Variants in QSER1 observed in about 807,000 individuals in gnomAD.
QSER1 encodes the protein glutamine and serine-rich protein 1.
Under a neutral mutation model 158.5 loss-of-function variants are expected in QSER1, and 49 were observed. That is an observed-to-expected ratio of 0.31 (90% CI 0.25 to 0.39). The LOEUF (loss-of-function observed/expected upper bound fraction) is 0.39. Among genes scored for constraint, QSER1 ranks in the 10% least tolerant of loss-of-function variants. The pLI, the probability that QSER1 is intolerant of heterozygous loss-of-function variation, is 1.00. For synonymous variants in QSER1, 650 were observed against 715.5 expected, an observed-to-expected ratio of 0.91 and a Z score of 1.46; for missense variants, 1,754 against 2,010.3, an observed-to-expected ratio of 0.87 and a Z score of 2.44.
In QSER1 at chr11:32,953,888, T is replaced by G; in HGVS notation, c.4209T>G (p.Thr1403=). ...TACAGGTGGCAACTACTAGCCCAAC[T>G]GCCAATACTACTGGTACTGCTACTA... ...EALQVATTSP[T]ANTTGTATTS... is the part of the protein sequence containing the mutation. Residue 1403 remains threonine, a synonymous_variant, in exon 5 of 13, where the codon ACT becomes ACG. Coordinates refer to ENST00000650167, the MANE Select transcript of QSER1 (RefSeq NM_001076786.3). The G allele has an allele frequency of 6.2e-7, 1 of 1,613,866 alleles. No individual in the cohort carries two copies. Among genetic ancestry groups the G allele is most frequent in the Non-Finnish European group, 8.5e-7 (1 of 1,179,812 alleles).
chr11:32,919,194 T>C (rs986571049), intron 1 of QSER1, among the ~76,000 whole-genome samples: 1 of 152,112 alleles, frequency 6.6e-6, no homozygotes, highest in Non-Finnish European at 1.5e-5. Flanking sequence ...TGCTCTGTCA[T>C]CCAGGCTAGA....
At chr11:32,912,249 C>T (rs892544030) in intron 1 of QSER1, among the ~76,000 whole-genome samples, 1 of 152,170 alleles carries the variant, frequency 6.6e-6, no homozygotes, top group Non-Finnish European at 1.5e-5. Flanking sequence ...TGAAACCGTC[C>T]ATGTTTGTTC....
rs909049628 is a variant in QSER1 at position 32,922,738 on chromosome 11, G to C, written c.210-4419G>C. 4.0e-5 allele frequency among the ~76,000 whole-genome samples: 6 copies of C among 151,810 alleles called. No individual in the cohort carries two copies. The South Asian group carries it at 1.0e-3, about 26-fold the overall frequency. On this transcript the variant is annotated intron_variant, in intron 1 of 12. Transcript: ENST00000650167. The stretch of plus-strand genomic sequence containing the variant: ...GACTTCAAGCGATCCACCCACCTCA[G>C]CCTCACAAAGTGCTGGGATTATAGG...
intron 11 of QSER1, among the ~76,000 whole-genome samples, chr11:32,974,826 A>G (rs1386042121): frequency 6.6e-6 from 1 of 152,220 alleles, no homozygotes; most frequent in Non-Finnish European, 1.5e-5. Flanking sequence ...AAGTTGCTAG[A>G]CAATATGTAT....
At chr11:32,915,327 A>G (rs1851818178) in intron 1 of QSER1, among the ~76,000 whole-genome samples, 1 of 152,116 alleles carries the variant, frequency 6.6e-6, no homozygotes. Context: ...TACCTTACTC[A>G]TGAGTGTGGG....
rs778195632 is a variant in QSER1 at position 32,973,396 on chromosome 11, G to C, written c.5206-1G>C. 1 of 1,613,088 alleles carries C rather than the reference G, an allele frequency of 6.2e-7. No individual in the cohort carries two copies. The highest frequency in any genetic ancestry group is 8.5e-7 in the Non-Finnish European group (1 of 1,179,690). On this transcript the variant is annotated splice_acceptor_variant, in intron 10 of 12. Coordinates refer to ENST00000650167, the MANE Select transcript of QSER1 (RefSeq NM_001076786.3). LOFTEE classifies it high-confidence loss of function. ...AGTTATTTTGCTTCATTGTTTTCCA[G>C]AATGCTTTGGAAAGTTTTCCTGAAC... is the stretch of plus-strand genomic sequence containing the variant.
intron 1 of QSER1, among the ~76,000 whole-genome samples, chr11:32,908,592 A>C (rs1171987189): frequency 6.6e-6 from 1 of 152,210 alleles, no homozygotes; most frequent in Non-Finnish European, 1.5e-5. Flanking sequence ...ATTTTTGGTA[A>C]AGATCATTAA....
At chr11:32,940,822 G>A (rs1036107657) in intron 4 of QSER1, among the ~76,000 whole-genome samples, 6 of 151,984 alleles carry the variant, frequency 3.9e-5, no homozygotes, top group Admixed American at 2.0e-4. Context: ...TTGTCAGTCT[G>A]TGAAAGGTTT....
At chr11:32,969,452 C>T (rs1852810752) in intron 10 of QSER1, among the ~76,000 whole-genome samples, 3 of 152,114 alleles carry the variant, frequency 2.0e-5, no homozygotes, top group Middle Eastern at 3.4e-3. Flanking sequence ...TTTTCCTTAG[C>T]ACAGTTATCA....
rs367886217 is a variant in QSER1 at position 32,934,389 on chromosome 11, A to G, written c.3131A>G (p.Asn1044Ser). The G allele has an allele frequency of 2.5e-5, 40 of 1,613,750 alleles. No individual in the cohort carries two copies. The highest frequency in any genetic ancestry group is 3.2e-5 in the Non-Finnish European group (38 of 1,179,954). Residue 1044 changes from asparagine (N) to serine (S), a missense_variant, in exon 4 of 13, where the codon AAT (asparagine) becomes AGT (serine). Physicochemically the swap from Asn to Ser is conservative, Grantham distance 46. Coordinates refer to ENST00000650167, the MANE Select transcript of QSER1 (RefSeq NM_001076786.3). ...SMTATVGKPQ[N>S]INDTSLNGNQ... is the part of the protein sequence containing the mutation. ...ACAGCTACAGTAGGAAAGCCACAGA[A>G]TATAAATGATACTTCCTTAAATGGA...
chr11:32,900,755 GT>G (rs1163570805), intron 1 of QSER1, among the ~76,000 whole-genome samples: 7 of 152,160 alleles, frequency 4.6e-5, no homozygotes, highest in African/African-American at 1.7e-4. Flanking sequence ...TTTAACTGAA[GT>G]TTTCTTTGCA....
rs1852984433 is a variant in QSER1, at chr11:32,976,732, G to A, written c.*258G>A. On this transcript the variant is annotated 3_prime_UTR_variant, in exon 13 of 13. Transcript: ENST00000650167. ...TTTTGTAAACCATTGGGTAACTTGA[G>A]TCATATTTTCAGAAACATTTTTTGA... 1 of 339,610 alleles carries A rather than the reference G, an allele frequency of 2.9e-6. No homozygotes were observed. The highest frequency in any genetic ancestry group is 4.9e-5 in the South Asian group (1 of 20,374). 21.0% of individuals were successfully genotyped at this position (339,610 alleles called of 1,614,324 possible). A position where few individuals can be genotyped will look rare whatever the true frequency, so the allele number is the denominator to read the frequency against.
At position 32,953,364 on chromosome 11, in the gene QSER1, A is replaced by T. The variant is rs568815493; in HGVS notation, c.4178-493A>T. On this transcript the variant is annotated intron_variant, in intron 4 of 12. Transcript: ENST00000650167. ...TCATGTCTTTATTTTTATTATTATTATTTTTTTAAGTAGGGTCTTGTTCTG... is the reference window on the plus strand; with the variant it reads ...TCATGTCTTTATTTTTATTATTATTTTTTTTTTAAGTAGGGTCTTGTTCTG... Among the ~76,000 whole-genome samples the T allele has an allele frequency of 1.1e-3, 163 of 146,924 alleles. 1 individual carries two copies. The highest frequency in any genetic ancestry group is 3.3e-3 in the African/African-American group (132 of 39,726).
intron 4 of QSER1, among the ~76,000 whole-genome samples, chr11:32,949,164 A>T (rs1056682496): frequency 6.6e-6 from 1 of 152,004 alleles, no homozygotes; most frequent in African/African-American, 2.4e-5. Flanking sequence ...CTTGTATCTC[A>T]TAGCTTCTCC....
Position 32,976,426 on chromosome 11 carries a change from T to C in QSER1, c.5547T>C (p.Phe1849=). The part of the protein sequence containing the change: ...MKNVKWVEDL[F]EKFGELLNHV... Reference sequence around the variant, plus strand: ...ATGTAAAATGGGTGGAGGACCTCTTTGAAAAATTTGGAGAACTTCTAAATC... The same window carrying C: ...ATGTAAAATGGGTGGAGGACCTCTTCGAAAAATTTGGAGAACTTCTAAATC... Residue 1849 remains phenylalanine, a synonymous_variant, in exon 13 of 13, where the codon TTT becomes TTC. Coordinates refer to ENST00000650167, the MANE Select transcript of QSER1 (RefSeq NM_001076786.3). 6.2e-7 allele frequency: 1 copy of C among 1,609,756 alleles called. No individual in the cohort carries two copies. Among genetic ancestry groups the C allele is most frequent in the Non-Finnish European group, 8.5e-7 (1 of 1,178,762 alleles).
In QSER1 at chr11:32,934,588, T is replaced by A. The variant is rs1852110844; in HGVS notation, c.3330T>A (p.Ser1110=). The part of the protein sequence containing the change: ...EQSSGPFKKQ[S]ATNLESEEDS... ...GTTCTGGCCCATTCAAGAAACAGTC[T>A]GCTACCAATCTTGAATCTGAAGAAG... Residue 1110 remains serine (S), a synonymous_variant, in exon 4 of 13, where the codon TCT becomes TCA. Transcript: ENST00000650167. 1 of 1,613,534 alleles carries A rather than the reference T, an allele frequency of 6.2e-7. No homozygotes were observed. The highest frequency in any genetic ancestry group is 8.5e-7 in the Non-Finnish European group (1 of 1,179,992).
intron 8 of QSER1, among the ~76,000 whole-genome samples, chr11:32,963,430 A>G (rs1852664630): frequency 6.6e-6 from 1 of 151,754 alleles, no homozygotes; most frequent in Admixed American, 6.6e-5. Context: ...ATCTCGGCTC[A>G]CTGCACCGCC....
chr11:32,902,525 A>G (rs1851638583), intron 1 of QSER1, among the ~76,000 whole-genome samples: 1 of 152,168 alleles, frequency 6.6e-6, no homozygotes. Context: ...TCTCTTCGCA[A>G]AGAACTTCCT....
chr11:32,966,021 T>G (rs2133601431), intron 8 of QSER1, among the ~76,000 whole-genome samples: 1 of 147,532 alleles, frequency 6.8e-6, no homozygotes, highest in East Asian at 2.0e-4. Flanking sequence ...AGCATAATAC[T>G]TAAGCTTCAT....
Sources: allele counts gnomAD v4.1 joint callset (sites outside exome capture counted in the v4.1 genomes callset), GRCh38; gene constraint gnomAD v4.1.1; transcripts MANE v1.5; gene names NCBI Gene and HGNC (gene_info 2026-07-23, HGNC 2026-07-21).